Variants in ARB2A observed in about 807,000 individuals in gnomAD.
ARB2A encodes ARB2 cotranscriptional regulator A.
the ARB2A span, among the ~76,000 whole-genome samples, chr5:93,851,430 G>A: frequency 2.7e-4 from 41 of 152,174 alleles, 1 homozygote; most frequent in African/African-American, 9.2e-4. Context: ...AGCAGCATAC[G>A]TAACATTGCA....
chr5:93,850,391 T>C, the ARB2A span, among the ~76,000 whole-genome samples: 1 of 152,156 alleles, frequency 6.6e-6, no homozygotes, highest in African/African-American at 2.4e-5. Context: ...CATAAGCTTA[T>C]TGAGAAAGAC....
chr5:93,924,236 A>C, the ARB2A span, among the ~76,000 whole-genome samples: 1 of 152,164 alleles, frequency 6.6e-6, no homozygotes, highest in Non-Finnish European at 1.5e-5. Flanking sequence ...GTGAAAAAAC[A>C]AAAGGGTGTG....
the ARB2A span, among the ~76,000 whole-genome samples, chr5:93,812,063 C>G: frequency 6.6e-6 from 1 of 152,120 alleles, no homozygotes; most frequent in East Asian, 1.9e-4. Context: ...TGAGAATCTA[C>G]TGTGAGATCT....
chr5:93,682,502 A>C, the ARB2A span, among the ~76,000 whole-genome samples: 3 of 150,448 alleles, frequency 2.0e-5, no homozygotes, highest in African/African-American at 7.3e-5. Context: ...TTAGGCAAAA[A>C]GTTTTTTTTT....
chr5:93,771,508 G>A, the ARB2A span, among the ~76,000 whole-genome samples: 3 of 151,746 alleles, frequency 2.0e-5, no homozygotes, highest in Non-Finnish European at 4.4e-5. Context: ...TACCATCAGA[G>A]TGAACAGGCA....
At chr5:93,740,630 C>T in the ARB2A span, 5 of 1,610,906 alleles carry the variant, frequency 3.1e-6, no homozygotes, top group African/African-American at 5.3e-5. Context: ...TGGGCTACCC[C>T]TGCAGAGTAG....
the ARB2A span, among the ~76,000 whole-genome samples, chr5:93,746,965 G>C: frequency 1.3e-5 from 2 of 152,140 alleles, no homozygotes; most frequent in African/African-American, 2.4e-5. Flanking sequence ...GTTTGCCCTT[G>C]TTACAGAAGA....
the ARB2A span, among the ~76,000 whole-genome samples, chr5:93,923,736 G>GC: frequency 6.6e-6 from 1 of 152,056 alleles, no homozygotes; most frequent in East Asian, 1.9e-4. Flanking sequence ...TTGAGCCCAG[G>GC]AGTTCAAGGT....
the ARB2A span, among the ~76,000 whole-genome samples, chr5:93,803,549 A>C: frequency 7.2e-6 from 1 of 139,804 alleles, no homozygotes; most frequent in East Asian, 2.6e-4. Context: ...ACTGGGGCCT[A>C]TTGGAGGGTG....
the ARB2A span, among the ~76,000 whole-genome samples, chr5:93,697,117 G>A: frequency 1.3e-4 from 20 of 148,890 alleles, no homozygotes; most frequent in African/African-American, 4.4e-4. Flanking sequence ...TCTTCCCGTC[G>A]TAGTGAGAAA....
chr5:93,902,804 C>G, the ARB2A span, among the ~76,000 whole-genome samples: 1 of 152,038 alleles, frequency 6.6e-6, no homozygotes, highest in Admixed American at 6.6e-5. Context: ...TCCACCCAAG[C>G]TATTAAGAAG....
chr5:93,909,724 G>T, the ARB2A span, among the ~76,000 whole-genome samples: 1 of 150,574 alleles, frequency 6.6e-6, no homozygotes, highest in African/African-American at 2.4e-5. Context: ...AAAATTTTCA[G>T]TTTTTTTGTT....
the ARB2A span, among the ~76,000 whole-genome samples, chr5:93,773,544 G>A: frequency 1.3e-5 from 2 of 152,160 alleles, no homozygotes; most frequent in Non-Finnish European, 2.9e-5. Context: ...ACCAGGCAAA[G>A]AGTCTTGACC....
the ARB2A span, among the ~76,000 whole-genome samples, chr5:94,068,457 A>G: frequency 6.6e-6 from 1 of 152,186 alleles, no homozygotes; most frequent in Non-Finnish European, 1.5e-5. Flanking sequence ...CATGGACCAG[A>G]AGAGTATGCA....
the ARB2A span, among the ~76,000 whole-genome samples, chr5:93,958,081 A>ATT: frequency 6.6e-6 from 1 of 152,070 alleles, no homozygotes; most frequent in Non-Finnish European, 1.5e-5. Flanking sequence ...AAACATTAAA[A>ATT]TATGCCAATA....
the ARB2A span, among the ~76,000 whole-genome samples, chr5:93,905,367 A>G: frequency 1.3e-5 from 2 of 151,700 alleles, no homozygotes; most frequent in Non-Finnish European, 3.0e-5. Context: ...TGGTTTACAG[A>G]GACAAATTGG....
chr5:93,855,974 T>C, the ARB2A span, among the ~76,000 whole-genome samples: 8 of 151,884 alleles, frequency 5.3e-5, no homozygotes, highest in African/African-American at 1.9e-4. Flanking sequence ...AGAATGACTT[T>C]GATGAGTTGA....
At chr5:93,762,694 C>G in the ARB2A span, among the ~76,000 whole-genome samples, 6 of 152,140 alleles carry the variant, frequency 3.9e-5, no homozygotes, top group Non-Finnish European at 1.5e-5. Context: ...TCAGGAAATA[C>G]AGAGAACGCC....
At chr5:94,065,947 A>T in the ARB2A span, among the ~76,000 whole-genome samples, 13 of 152,306 alleles carry the variant, frequency 8.5e-5, no homozygotes, top group East Asian at 2.5e-3. Flanking sequence ...CAACACATGG[A>T]GCATTCTCCA....
Sources: gnomAD v4.1 joint callset for allele counts (sites outside exome capture counted in the v4.1 genomes callset) on GRCh38, gnomAD v4.1.1 for gene constraint, MANE v1.5 for transcripts, NCBI Gene and HGNC (gene_info 2026-07-23, HGNC 2026-07-21) for gene names.